The following LRGUK variants were observed in gnomAD, a reference collection of about 807,000 sequenced individuals.
LRGUK encodes leucine-rich repeat and guanylate kinase domain-containing protein.
LRGUK carries 65 observed loss-of-function variants against 76.0 expected under a neutral mutation model. That is an observed-to-expected ratio of 0.85 (90% CI 0.70 to 1.05). The LOEUF (loss-of-function observed/expected upper bound fraction) is 1.05. Among genes scored for constraint, LRGUK ranks in the 50% least tolerant of loss-of-function variants. The pLI is 0.00. For synonymous variants in LRGUK, 268 were observed against 265.6 expected (o/e 1.01, Z -0.09); for missense variants, 758 against 732.8 (o/e 1.03, Z -0.40).
exon 16 of LRGUK, chr7:134,209,885 G>T (rs1328837079): frequency 1.0e-5 from 4 of 399,032 alleles, no homozygotes; most frequent in Admixed American, 8.8e-5. Flanking sequence ...GGAGGAGGCG[G>T]CTCAGAAAGT....
chr7:134,266,719 A>G (rs1379245503), downstream of LRGUK, among the ~76,000 whole-genome samples: 1 of 152,182 alleles, frequency 6.6e-6, no homozygotes, highest in Non-Finnish European at 1.5e-5. Context: ...AAAGAGTGTG[A>G]GACTGAAAAA....
intron 16 of LRGUK, among the ~76,000 whole-genome samples, chr7:134,231,592 C>T: frequency 1.6e-5 from 2 of 128,846 alleles, no homozygotes. Flanking sequence ...CCCTCCCTTC[C>T]TCCCTTCCTT....
At chr7:134,176,463 T>C (rs1174758323) in intron 8 of LRGUK, among the ~76,000 whole-genome samples, 3 of 152,072 alleles carry the variant, frequency 2.0e-5, no homozygotes, top group Non-Finnish European at 4.4e-5. Flanking sequence ...CACTGCAAGC[T>C]CCGCCTCCTG....
chr7:134,206,094 T>C (rs1477106414), intron 15 of LRGUK, among the ~76,000 whole-genome samples: 2 of 152,254 alleles, frequency 1.3e-5, no homozygotes, highest in Non-Finnish European at 2.9e-5. Flanking sequence ...TCTTTCAGCC[T>C]GGACCCAGAA....
intron 15 of LRGUK, among the ~76,000 whole-genome samples, chr7:134,219,679 T>C (rs577682514): frequency 8.3e-4 from 127 of 152,160 alleles, no homozygotes; most frequent in African/African-American, 2.8e-3. Flanking sequence ...GCACCTCCTT[T>C]GTCTCTCTCT....
At chr7:134,267,965 C>A (rs1370841252), downstream of LRGUK, among the ~76,000 whole-genome samples, 2 of 151,932 alleles carry the variant, frequency 1.3e-5, no homozygotes, top group Non-Finnish European at 2.9e-5. Flanking sequence ...TGAAAATATA[C>A]CCTATCAAAA....
chr7:134,266,329 G>A (rs1802854994), downstream of LRGUK, among the ~76,000 whole-genome samples: 2 of 152,308 alleles, frequency 1.3e-5, no homozygotes, highest in Non-Finnish European at 2.9e-5. Flanking sequence ...GAATTATTGG[G>A]TAAGGATTTT....
At chr7:134,169,571 A>G (rs968147308) in intron 7 of LRGUK, among the ~76,000 whole-genome samples, 6 of 152,106 alleles carry the variant, frequency 3.9e-5, no homozygotes, top group African/African-American at 1.4e-4. Flanking sequence ...TCTATACCCT[A>G]AGGTTTTAAA....
chr7:134,199,107 T>G (rs1800638362), intron 13 of LRGUK, 113 bp from the exon 14 acceptor site: 1 of 722,472 alleles, frequency 1.4e-6, no homozygotes, highest in Non-Finnish European at 2.3e-6. Context: ...ATGAAATAAA[T>G]TCTTCAATAT....
At chr7:134,178,815 GTT>G (rs1486892499) in intron 10 of LRGUK, among the ~76,000 whole-genome samples, 1 of 149,562 alleles carries the variant, frequency 6.7e-6, no homozygotes, top group Non-Finnish European at 1.5e-5. Flanking sequence ...ACTTGAGTGT[GTT>G]GCTTTCTTGC....
intron 6 of LRGUK, among the ~76,000 whole-genome samples, chr7:134,162,094 G>A (rs1798770724): frequency 6.6e-6 from 1 of 152,104 alleles, no homozygotes; most frequent in Admixed American, 6.5e-5. Context: ...GCTTTTGTGT[G>A]AATTATTGAA....
At chr7:134,138,682 G>A (rs894884424) in intron 2 of LRGUK, among the ~76,000 whole-genome samples, 4 of 152,042 alleles carry the variant, frequency 2.6e-5, no homozygotes, top group Non-Finnish European at 5.9e-5. Context: ...TCATTGGTTT[G>A]CTTGTTTTCT....
intron 15 of LRGUK, among the ~76,000 whole-genome samples, chr7:134,217,153 C>CTT (rs75989063): frequency 0.11 from 12,947 of 121,996 alleles, 967 homozygotes; most frequent in East Asian, 0.38. Flanking sequence ...AATACTCATC[C>CTT]TTTTTTTTTT....
At chr7:134,201,186 T>G (rs1353802273) in intron 14 of LRGUK, among the ~76,000 whole-genome samples, 1 of 152,164 alleles carries the variant, frequency 6.6e-6, no homozygotes, top group African/African-American at 2.4e-5. Flanking sequence ...ATCTCCCTTT[T>G]GATTAACCCA....
At chr7:134,150,292 C>A (rs865903245) in intron 5 of LRGUK, among the ~76,000 whole-genome samples, 38 of 125,632 alleles carry the variant, frequency 3.0e-4, no homozygotes, top group Admixed American at 1.6e-3. Context: ...ACAAAAAAAA[C>A]AAAAAAAAAC....
At chr7:134,214,612 T>C (rs1801385447), downstream of LRGUK, among the ~76,000 whole-genome samples, 1 of 152,152 alleles carries the variant, frequency 6.6e-6, no homozygotes, top group Non-Finnish European at 1.5e-5. Flanking sequence ...GCGTAGTAAG[T>C]AGAAAGCAGG....
At chr7:134,151,878 G>T (rs1798238136) in intron 5 of LRGUK, among the ~76,000 whole-genome samples, 1 of 151,956 alleles carries the variant, frequency 6.6e-6, no homozygotes, top group Non-Finnish European at 1.5e-5. Flanking sequence ...ACTAGTAATA[G>T]GGAATTTCCA....
intron 16 of LRGUK, among the ~76,000 whole-genome samples, chr7:134,235,876 C>T (rs1373803542): frequency 6.6e-6 from 1 of 152,070 alleles, no homozygotes; most frequent in African/African-American, 2.4e-5. Context: ...TAGTTGACAT[C>T]AATTTCCTGG....
chr7:134,158,034 G>A lies in LRGUK; in HGVS notation c.671-1G>A. ...TCCTTAAACGTAGTCATGGTGTATA[G>A]GCAATGAGATAGAAGAAATCAGTGG... is the stretch of plus-strand genomic sequence containing the variant. On this transcript the variant is annotated splice_acceptor_variant, in intron 5 of 15. Coordinates refer to ENST00000645682, the Ensembl canonical transcript of LRGUK. LOFTEE classifies it high-confidence loss of function. The A allele has an allele frequency of 6.2e-7, 1 of 1,610,394 alleles. No individual in the cohort carries two copies. The highest frequency in any genetic ancestry group is 8.5e-7 in the Non-Finnish European group (1 of 1,177,416).
Sources: allele counts gnomAD v4.1 joint callset (sites outside exome capture counted in the v4.1 genomes callset), GRCh38; gene constraint gnomAD v4.1.1; transcripts MANE v1.5; gene names NCBI Gene and HGNC (gene_info 2026-07-23, HGNC 2026-07-21).